MAP4: variants seen among roughly 807,000 people sequenced by gnomAD.
MAP4 encodes the protein microtubule-associated protein 4.
A neutral mutation model predicts 170.2 loss-of-function variants in MAP4; 76 were observed. The ratio of observed to expected loss-of-function variants is 0.45; its 90% CI spans 0.37 to 0.54. The LOEUF (loss-of-function observed/expected upper bound fraction) is 0.54, where lower values mean the gene tolerates loss of function less well. Ranked by LOEUF, MAP4 falls within the 20% of genes least tolerant of loss-of-function variation. The pLI is 0.00. For missense variants in MAP4, 2,506 were observed against 2,748.0 expected, an observed-to-expected ratio of 0.91 and a Z score of 1.97; for synonymous variants, 909 against 994.5, an observed-to-expected ratio of 0.91 and a Z score of 1.62.
chr3:47,939,849 T>A (rs375858915), intron 3 of MAP4, among the ~76,000 whole-genome samples: 40 of 152,258 alleles, frequency 2.6e-4, no homozygotes, highest in East Asian at 1.9e-3. Flanking sequence ...TTCATTTTTT[T>A]AAAAATTTTT....
intron 1 of MAP4, among the ~76,000 whole-genome samples, chr3:48,044,401 C>T (rs999644934): frequency 3.1e-4 from 47 of 151,884 alleles, no homozygotes; most frequent in Non-Finnish European, 5.4e-4. Flanking sequence ...GTGATCCACC[C>T]GCATCAGCCT....
At chr3:47,928,431 A>C in intron 3 of MAP4, 81 bp from the exon 4 acceptor site, 2 of 1,342,674 alleles carry the variant, frequency 1.5e-6, no homozygotes, top group Non-Finnish European at 2.1e-6. Context: ...ACAAAGTATT[A>C]CAGCTAGTAC....
intron 16 of MAP4, among the ~76,000 whole-genome samples, chr3:47,867,677 T>G (rs2082957488): frequency 6.6e-6 from 1 of 152,190 alleles, no homozygotes; most frequent in South Asian, 2.1e-4. Flanking sequence ...CAGCCCTACC[T>G]CCTTGCTCTG....
At chr3:47,870,718 T>C in intron 15 of MAP4, 95 bp downstream of exon 15, 5 of 1,314,746 alleles carry the variant, frequency 3.8e-6, no homozygotes, top group Non-Finnish European at 5.2e-6. Flanking sequence ...GTGTCCTGAC[T>C]GCCTGCTTCT....
intron 1 of MAP4, among the ~76,000 whole-genome samples, chr3:48,078,496 G>A (rs1380081602): frequency 6.6e-6 from 1 of 151,798 alleles, no homozygotes; most frequent in African/African-American, 2.4e-5. Flanking sequence ...TACGATATGT[G>A]AATTATGTAT....
chr3:48,067,505 T>G (rs1360368309), intron 1 of MAP4, among the ~76,000 whole-genome samples: 1 of 152,158 alleles, frequency 6.6e-6, no homozygotes, highest in Non-Finnish European at 1.5e-5. Flanking sequence ...AATTTTTACA[T>G]GTTTTGTAGA....
At position 47,910,128 on chromosome 3, in the gene MAP4, A is replaced by G. The variant is rs1560015182; in HGVS notation, c.4293T>C (p.Pro1431=). 1.2e-6 allele frequency: 2 copies of G among 1,613,950 alleles called. No individual in the cohort carries two copies. The highest frequency in any genetic ancestry group is 1.1e-5 in the South Asian group (1 of 91,078). The change falls in exon 9 of 21, where the codon CCT becomes CCC. Residue 1431 remains proline (P), a synonymous_variant. Transcript: ENST00000683076. ...AGGCTGCTGATTCCAGAACCTCTAG[A>G]GGAGATGATTTATTTATCAGCTCTG... ...TPSELINKSS[P]LEVLESAACE...
chr3:47,867,847 C>G (rs1026016338), intron 16 of MAP4, among the ~76,000 whole-genome samples: 3 of 152,200 alleles, frequency 2.0e-5, no homozygotes, highest in Non-Finnish European at 2.9e-5. Context: ...CTGAGAAGCA[C>G]TGGGCAGCTG....
intron 17 of MAP4, among the ~76,000 whole-genome samples, chr3:47,861,959 A>T (rs1354115086): frequency 6.6e-6 from 1 of 151,978 alleles, no homozygotes; most frequent in Non-Finnish European, 1.5e-5. Flanking sequence ...CAGGAGATCG[A>T]GACCATCCTG....
At chr3:48,076,223 G>A (rs1393699095) in intron 1 of MAP4, among the ~76,000 whole-genome samples, 1 of 151,770 alleles carries the variant, frequency 6.6e-6, no homozygotes, top group Non-Finnish European at 1.5e-5. Flanking sequence ...TCAGCCGGGC[G>A]CAGTGGCTCA....
intron 3 of MAP4, among the ~76,000 whole-genome samples, chr3:47,967,647 T>G (rs1366331638): frequency 6.6e-6 from 1 of 151,676 alleles, no homozygotes; most frequent in African/African-American, 2.4e-5. Context: ...GCAAGACTCC[T>G]TCTCAAAAAT....
chr3:48,021,641 C>T (rs1158494396), intron 1 of MAP4, among the ~76,000 whole-genome samples: 2 of 152,264 alleles, frequency 1.3e-5, no homozygotes, highest in South Asian at 2.1e-4. Context: ...ACACCACGCC[C>T]GGCCTAATCT....
chr3:48,007,675 CCTTT>C (rs1463791848), intron 1 of MAP4, among the ~76,000 whole-genome samples: 2 of 90,808 alleles, frequency 2.2e-5, no homozygotes, highest in African/African-American at 1.1e-4. Context: ...TAACTACTCT[CCTTT>C]TTTTTTTTTT....
At chr3:47,941,208 C>T (rs1168077832) in intron 3 of MAP4, among the ~76,000 whole-genome samples, 1 of 111,954 alleles carries the variant, frequency 8.9e-6, no homozygotes, top group Non-Finnish European at 1.7e-5. Context: ...CATAATGAGA[C>T]CCTATCTCTA....
intron 1 of MAP4, among the ~76,000 whole-genome samples, chr3:48,060,685 A>AG (rs1470856002): frequency 6.6e-6 from 1 of 151,834 alleles, no homozygotes; most frequent in African/African-American, 2.4e-5. Context: ...AGGCCGAGGG[A>AG]GATGGATCAC....
intron 3 of MAP4, among the ~76,000 whole-genome samples, chr3:47,968,744 A>T (rs1194008903): frequency 6.6e-6 from 1 of 152,168 alleles, no homozygotes; most frequent in African/African-American, 2.4e-5. Context: ...AAAAAAGATT[A>T]AAGTGGAAAT....
At chr3:48,077,674 C>T (rs569944300) in intron 1 of MAP4, among the ~76,000 whole-genome samples, 44 of 152,124 alleles carry the variant, frequency 2.9e-4, no homozygotes, top group African/African-American at 1.1e-3. Flanking sequence ...ACATAATTAA[C>T]ACATAACCAA....
intron 1 of MAP4, among the ~76,000 whole-genome samples, chr3:48,057,944 T>A (rs975178340): frequency 1.3e-5 from 2 of 152,202 alleles, no homozygotes; most frequent in African/African-American, 4.8e-5. Context: ...AAAACACAAA[T>A]ATACTAAATA....
At chr3:48,015,121 T>G (rs754562913) in intron 1 of MAP4, among the ~76,000 whole-genome samples, 2 of 152,106 alleles carry the variant, frequency 1.3e-5, no homozygotes, top group South Asian at 2.1e-4. Context: ...CAGAAAGAAA[T>G]AAACTTTCTT....
Sources: gnomAD v4.1 joint callset for allele counts (sites outside exome capture counted in the v4.1 genomes callset) on GRCh38, gnomAD v4.1.1 for gene constraint, MANE v1.5 for transcripts, NCBI Gene and HGNC (gene_info 2026-07-23, HGNC 2026-07-21) for gene names.